Variants in NETO1 observed in about 807,000 individuals in gnomAD.
NETO1 encodes neuropilin and tolloid like 1.
A neutral mutation model predicts 61.3 loss-of-function variants in NETO1; 26 were observed. That is an observed-to-expected ratio of 0.42 (90% CI 0.31 to 0.59). The LOEUF (loss-of-function observed/expected upper bound fraction) is 0.59, where lower values mean the gene tolerates loss of function less well. Ranked by LOEUF, NETO1 falls within the 20% of genes least tolerant of loss-of-function variation. NETO1 has a pLI of 0.12. For missense variants in NETO1, 531 were observed against 662.8 expected, an observed-to-expected ratio of 0.80 and a Z score of 2.18; for synonymous variants, 225 against 225.8, an observed-to-expected ratio of 1.00 and a Z score of 0.03.
intron 7 of NETO1, among the ~76,000 whole-genome samples, chr18:72,770,264 AT>A (rs1320520231): frequency 6.6e-6 from 1 of 151,978 alleles, no homozygotes; most frequent in African/African-American, 2.4e-5. Context: ...GAATATAATC[AT>A]TATTTTTTAT....
intron 10 of NETO1, among the ~76,000 whole-genome samples, chr18:72,748,652 T>A (rs1001356148): frequency 7.9e-5 from 12 of 152,144 alleles, no homozygotes; most frequent in Non-Finnish European, 1.5e-4. Context: ...ATACTGAGAC[T>A]GAATATTCTA....
chr18:72,832,395 GTT>G (rs916378279), intron 4 of NETO1, among the ~76,000 whole-genome samples: 1 of 152,036 alleles, frequency 6.6e-6, no homozygotes, highest in African/African-American at 2.4e-5. Flanking sequence ...TAAAGATCAA[GTT>G]TTTTTCTTTT....
At chr18:72,810,788 G>A (rs539788689) in intron 4 of NETO1, among the ~76,000 whole-genome samples, 4 of 152,088 alleles carry the variant, frequency 2.6e-5, no homozygotes, top group East Asian at 3.9e-4. Flanking sequence ...AAAATAATCC[G>A]AGGCTTTCCC....
At chr18:72,809,083 C>A (rs1372903292) in intron 4 of NETO1, among the ~76,000 whole-genome samples, 2 of 152,170 alleles carry the variant, frequency 1.3e-5, no homozygotes, top group African/African-American at 4.8e-5. Flanking sequence ...CATTCCTTTA[C>A]CAAGGGCAGA....
intron 4 of NETO1, among the ~76,000 whole-genome samples, chr18:72,839,461 T>C (rs2073853726): frequency 6.6e-6 from 1 of 152,190 alleles, no homozygotes; most frequent in South Asian, 2.1e-4. Flanking sequence ...ACACTGAAGC[T>C]GCAACACTCT....
At chr18:72,834,981 A>T in intron 4 of NETO1, 1 of 833,608 alleles carries the variant, frequency 1.2e-6, no homozygotes, top group East Asian at 1.2e-4. Context: ...ACAATATTAC[A>T]TAAAATATAA....
chr18:72,791,317 C>T (rs2072108745), intron 6 of NETO1, among the ~76,000 whole-genome samples: 1 of 152,194 alleles, frequency 6.6e-6, no homozygotes, highest in Non-Finnish European at 1.5e-5. Flanking sequence ...CACCAGGTGT[C>T]ATTCAAATAT....
intron 4 of NETO1, among the ~76,000 whole-genome samples, chr18:72,857,029 TG>T (rs1665838160): frequency 6.6e-6 from 1 of 152,238 alleles, no homozygotes; most frequent in Admixed American, 6.5e-5. Flanking sequence ...GAGGTGTAGA[TG>T]GTTACGTCAC....
chr18:72,824,923 G>A (rs558782020), intron 4 of NETO1, among the ~76,000 whole-genome samples: 2 of 151,964 alleles, frequency 1.3e-5, no homozygotes, highest in South Asian at 4.2e-4. Flanking sequence ...AGAGATTTGG[G>A]ATTAAATATA....
Position 72,858,947 on chromosome 18 carries a change from A to T in NETO1, c.348T>A (p.Arg116=). ...CAGGTGGATTTTGTTGTCCACAGAA[A>T]CGTCCAATTATTGGAGAAAAGCCAA... ...GPFGFSPIIG[R]FCGQQNPPVI... Residue 116 remains arginine, a synonymous_variant, in exon 4 of 11, where the codon CGT becomes CGA. Coordinates refer to ENST00000327305, the MANE Select transcript of NETO1 (RefSeq NM_138966.5). 1 of 1,613,918 alleles carries T rather than the reference A, an allele frequency of 6.2e-7. No homozygotes were observed. Among genetic ancestry groups the T allele is most frequent in the South Asian group, 1.1e-5 (1 of 91,068 alleles).
intron 3 of NETO1, among the ~76,000 whole-genome samples, chr18:72,862,862 C>T (rs544550606): frequency 6.8e-4 from 104 of 152,110 alleles, no homozygotes; most frequent in Middle Eastern, 3.4e-3. Flanking sequence ...CCTCGTGATC[C>T]GCCCACATCG....
Position 72,830,274 on chromosome 18 carries a change from G to T in NETO1, c.469+28552C>A, listed in dbSNP as rs1383640020. 6.6e-6 allele frequency among the ~76,000 whole-genome samples: 1 copy of T among 152,072 alleles called. No individual in the cohort carries two copies. Among genetic ancestry groups the T allele is most frequent in the Non-Finnish European group, 1.5e-5 (1 of 68,010 alleles). On this transcript the variant is annotated intron_variant, in intron 4 of 10. Coordinates refer to ENST00000327305, the MANE Select transcript of NETO1 (RefSeq NM_138966.5). The surrounding 1 kb of genome is among the most constrained non-coding windows in gnomAD (Gnocchi z 4.9). Reference sequence around the variant, plus strand: ...GGTGCCGGCTTGCGAGAGTAGGCATGGTGCTAACAAAATTGGCAAAGGCTG... The same window carrying T: ...GGTGCCGGCTTGCGAGAGTAGGCATTGTGCTAACAAAATTGGCAAAGGCTG...
At chr18:72,809,927 C>T (rs1246321594) in intron 4 of NETO1, among the ~76,000 whole-genome samples, 8 of 152,150 alleles carry the variant, frequency 5.3e-5, no homozygotes, top group East Asian at 3.8e-4. Flanking sequence ...ATGCTAGGTG[C>T]GCAAGTCCCT....
chr18:72,785,654 A>G (rs746813150), intron 6 of NETO1, among the ~76,000 whole-genome samples: 5 of 152,208 alleles, frequency 3.3e-5, no homozygotes, highest in Non-Finnish European at 5.9e-5. Context: ...TCGTCATTTA[A>G]CGTTAGGCAT....
intron 4 of NETO1, among the ~76,000 whole-genome samples, chr18:72,797,978 C>T (rs1056230163): frequency 3.9e-5 from 6 of 152,180 alleles, no homozygotes; most frequent in African/African-American, 1.2e-4. Flanking sequence ...AAAATAGCAA[C>T]GTCCCTAATT....
intron 7 of NETO1, among the ~76,000 whole-genome samples, chr18:72,778,144 T>C (rs1451633261): frequency 6.6e-6 from 1 of 152,178 alleles, no homozygotes; most frequent in Non-Finnish European, 1.5e-5. Flanking sequence ...GTTTTTCTCC[T>C]TCAACTCATT....
chr18:72,798,981 C>A (rs143698635), intron 4 of NETO1, among the ~76,000 whole-genome samples: 80 of 152,270 alleles, frequency 5.3e-4, no homozygotes, highest in Middle Eastern at 6.8e-3. Flanking sequence ...ACAACTTCAG[C>A]GTTATTTAAA....
At chr18:72,774,172 A>G (rs776537960) in intron 7 of NETO1, among the ~76,000 whole-genome samples, 2 of 152,176 alleles carry the variant, frequency 1.3e-5, no homozygotes, top group Non-Finnish European at 2.9e-5. Flanking sequence ...TTATGGTGCA[A>G]AAGTTGTAAA....
At chr18:72,821,266 G>C (rs1315933543) in intron 4 of NETO1, among the ~76,000 whole-genome samples, 2 of 123,778 alleles carry the variant, frequency 1.6e-5, no homozygotes, top group African/African-American at 3.1e-5. Context: ...AATGGGTCCA[G>C]GCACAGTGGC....
Sources: gnomAD v4.1 joint callset for allele counts (sites outside exome capture counted in the v4.1 genomes callset) on GRCh38, gnomAD v4.1.1 for gene constraint, Gnocchi (gnomAD v3.1) non-coding constraint, MANE v1.5 for transcripts, NCBI Gene and HGNC (gene_info 2026-07-23, HGNC 2026-07-21) for gene names.